The following MECOM variants were observed in gnomAD, a reference collection of about 807,000 sequenced individuals.
MECOM encodes histone-lysine N-methyltransferase MECOM.
MECOM carries 13 observed loss-of-function variants against 116.3 expected under a neutral mutation model. The observed-to-expected ratio is 0.11, with a 90% CI of 0.07 to 0.18. MECOM has a LOEUF of 0.18. Among genes scored for constraint, MECOM ranks in the 10% least tolerant of loss-of-function variants. The pLI is 1.00. For missense variants in MECOM, 1,299 were observed against 1,509.0 expected, an observed-to-expected ratio of 0.86 and a Z score of 2.31; for synonymous variants, 528 against 535.2, an observed-to-expected ratio of 0.99 and a Z score of 0.19.
intron 2 of MECOM, among the ~76,000 whole-genome samples, chr3:169,261,352 G>A (rs960181909): frequency 4.6e-5 from 7 of 152,000 alleles, no homozygotes; most frequent in Admixed American, 1.3e-4. Flanking sequence ...GATGTTTATA[G>A]TTCTGTATAA....
At chr3:169,430,584 A>G (rs1741451957) in intron 1 of MECOM, among the ~76,000 whole-genome samples, 1 of 152,200 alleles carries the variant, frequency 6.6e-6, no homozygotes. Context: ...GATTTTGAAT[A>G]AGGAGAAAAA....
At chr3:169,615,233 T>C (rs1486864591) in intron 1 of MECOM, among the ~76,000 whole-genome samples, 1 of 152,244 alleles carries the variant, frequency 6.6e-6, no homozygotes, top group Non-Finnish European at 1.5e-5. Flanking sequence ...CGTTCATGTC[T>C]CCTCTAGCCA....
At chr3:169,588,971 T>G (rs1307849525) in intron 1 of MECOM, among the ~76,000 whole-genome samples, 2 of 152,130 alleles carry the variant, frequency 1.3e-5, no homozygotes, top group Non-Finnish European at 2.9e-5. Flanking sequence ...GTTTTTTTCT[T>G]GTCTTCAAGA....
intron 1 of MECOM, among the ~76,000 whole-genome samples, chr3:169,430,927 T>C (rs1000004185): frequency 2.6e-5 from 4 of 152,206 alleles, no homozygotes; most frequent in Non-Finnish European, 5.9e-5. Flanking sequence ...AAGCAAAGAA[T>C]GCCAAGTCAT....
Position 169,467,284 on chromosome 3 carries a change from G to T in MECOM, c.38-85760C>A, listed in dbSNP as rs1394005964. Among the ~76,000 whole-genome samples, 4 of 152,280 alleles carry T rather than the reference G, an allele frequency of 2.6e-5. No individual in the cohort carries two copies. The East Asian group carries it at 7.7e-4, about 29-fold the overall frequency. On this transcript the variant is annotated intron_variant, in intron 1 of 16. Coordinates refer to ENST00000651503, the MANE Select transcript of MECOM (RefSeq NM_004991.4). Reference sequence around the variant, plus strand: ...AAAACAATAGCACAGGGCAAGAGTAGAATTCCAGAAAAATAAGCAGAGATT... The same window carrying T: ...AAAACAATAGCACAGGGCAAGAGTATAATTCCAGAAAAATAAGCAGAGATT...
intron 2 of MECOM, chr3:169,146,887 T>C: frequency 9.7e-7 from 1 of 1,026,924 alleles, no homozygotes; most frequent in Non-Finnish European, 1.2e-6. Flanking sequence ...AATAATTTTT[T>C]AAAAGCCTCG....
chr3:169,263,062 CT>C (rs1330209574), intron 2 of MECOM, among the ~76,000 whole-genome samples: 21 of 93,118 alleles, frequency 2.3e-4, no homozygotes, highest in African/African-American at 7.7e-4. Flanking sequence ...TATTTGTTGC[CT>C]TTTTTTCAAG....
At chr3:169,624,878 G>C (rs142291821) in intron 1 of MECOM, among the ~76,000 whole-genome samples, 1 of 152,034 alleles carries the variant, frequency 6.6e-6, no homozygotes, top group African/African-American at 2.4e-5. Context: ...TTACTAATGC[G>C]TGTGTATTTT....
Position 169,281,787 on chromosome 3 carries a change from G to A in MECOM, c.375+99400C>T, listed in dbSNP as rs1712080740. The stretch of plus-strand genomic sequence containing the variant: ...AGATTGTAACACTGCATTTCAGCCT[G>A]GGTGACAATGAGATCCTGTCTCAAA... On this transcript the variant is annotated intron_variant, in intron 2 of 16. Coordinates refer to ENST00000651503, the MANE Select transcript of MECOM (RefSeq NM_004991.4). Among the ~76,000 whole-genome samples, 2 of 152,046 alleles carry A rather than the reference G, an allele frequency of 1.3e-5. 1 individual carries two copies. The highest frequency in any genetic ancestry group is 4.1e-4 in the South Asian group (2 of 4,822).
chr3:169,406,338 T>C lies in MECOM; in HGVS notation c.38-24814A>G, dbSNP rs190219847. On this transcript the variant is annotated intron_variant, in intron 1 of 16. Coordinates refer to ENST00000651503, the MANE Select transcript of MECOM (RefSeq NM_004991.4). ...ATCTCTCTGGGAATCTATTTCCTCA[T>C]CTGTAAAATTACTGAATGCAGAGAG... is the stretch of plus-strand genomic sequence containing the variant. 4.1e-4 allele frequency among the ~76,000 whole-genome samples: 62 copies of C among 152,316 alleles called. 1 individual carries two copies. The Middle Eastern group carries it at 0.01, about 25-fold the overall frequency.
intron 2 of MECOM, among the ~76,000 whole-genome samples, chr3:169,229,166 G>C (rs1753088902): frequency 6.6e-6 from 1 of 152,128 alleles, no homozygotes; most frequent in Non-Finnish European, 1.5e-5. Context: ...CTGCTCTGCT[G>C]TAAAGAAAAG....
intron 1 of MECOM, among the ~76,000 whole-genome samples, chr3:169,555,449 C>T (rs776209098): frequency 6.6e-6 from 1 of 152,176 alleles, no homozygotes; most frequent in African/African-American, 2.4e-5. Context: ...CAGAAATACT[C>T]CCAAGACCCC....
intron 2 of MECOM, among the ~76,000 whole-genome samples, chr3:169,347,799 G>A (rs1725622998): frequency 6.6e-6 from 1 of 152,008 alleles, no homozygotes; most frequent in African/African-American, 2.4e-5. Flanking sequence ...AGAGCTCAGG[G>A]AATGGATTTG....
intron 2 of MECOM, among the ~76,000 whole-genome samples, chr3:169,176,169 T>C (rs1577256305): frequency 6.6e-6 from 1 of 152,052 alleles, no homozygotes; most frequent in Non-Finnish European, 1.5e-5. Context: ...CTCATATGTT[T>C]TAAGAAAGTT....
chr3:169,600,128 C>A (rs1301335489), intron 1 of MECOM, among the ~76,000 whole-genome samples: 1 of 152,086 alleles, frequency 6.6e-6, no homozygotes, highest in Non-Finnish European at 1.5e-5. Context: ...TGTGCCACCA[C>A]ACCCAGCTAA....
chr3:169,453,096 A>G (rs1390636257), intron 1 of MECOM, among the ~76,000 whole-genome samples: 1 of 152,224 alleles, frequency 6.6e-6, no homozygotes. Flanking sequence ...TCTTAAAACA[A>G]TTGAAAGTCA....
At chr3:169,398,035 G>A (rs1735285382) in intron 1 of MECOM, among the ~76,000 whole-genome samples, 1 of 152,138 alleles carries the variant, frequency 6.6e-6, no homozygotes, top group Non-Finnish European at 1.5e-5. Flanking sequence ...CACTTTGAAA[G>A]CTTCTGGTTC....
Position 169,384,955 on chromosome 3 carries a change from T to G in MECOM, c.38-3431A>C, listed in dbSNP as rs1024139399. The stretch of plus-strand genomic sequence containing the variant: ...CCATCTCTACTAAAAATACAAAAAA[T>G]TAGCCGGGCATAGTGGTGCATGCCT... On this transcript the variant is annotated intron_variant, in intron 1 of 16. Transcript: ENST00000651503. Among the ~76,000 whole-genome samples the G allele has an allele frequency of 3.6e-4, 55 of 151,644 alleles. 2 individuals are homozygous for G. Among genetic ancestry groups the G allele is most frequent in the Admixed American group, 3.3e-3 (51 of 15,232 alleles).
At position 169,439,934 on chromosome 3, in the gene MECOM, A is replaced by G. The variant is rs182446847; in HGVS notation, c.38-58410T>C. Among the ~76,000 whole-genome samples the G allele has an allele frequency of 1.6e-3, 243 of 152,294 alleles. 6 individuals are homozygous for G. Among genetic ancestry groups the G allele is most frequent in the Admixed American group, 0.013 (201 of 15,292 alleles). On this transcript the variant is annotated intron_variant, in intron 1 of 16. Transcript: ENST00000651503. ...TGTAGAAAAGCAAGACCCAGGAAAA[A>G]ATTTCTAACTCAAAAACAAGCAAAG...
Sources: allele counts gnomAD v4.1 joint callset (sites outside exome capture counted in the v4.1 genomes callset), GRCh38; gene constraint gnomAD v4.1.1; transcripts MANE v1.5; gene names NCBI Gene and HGNC (gene_info 2026-07-23, HGNC 2026-07-21).